PLD5: variants seen among roughly 807,000 people sequenced by gnomAD.
The protein encoded by PLD5 is phospholipase D family member 5.
In PLD5, 36 loss-of-function variants were observed where a neutral mutation model predicts 61.1. The ratio of observed to expected loss-of-function variants is 0.59; its 90% CI spans 0.45 to 0.78. The LOEUF is 0.78. Ranked by LOEUF, PLD5 falls within the 30% of genes least tolerant of loss-of-function variation. PLD5 has a pLI of 0.00. For synonymous variants in PLD5, 243 were observed against 242.8 expected (o/e 1.00, Z -0.01); for missense variants, 515 against 644.4 (o/e 0.80, Z 2.17).
intron 1 of PLD5, among the ~76,000 whole-genome samples, chr1:242,412,468 T>C (rs1270057576): frequency 2.0e-5 from 3 of 152,246 alleles, no homozygotes; most frequent in African/African-American, 7.2e-5. Flanking sequence ...GTGTGTTTAT[T>C]ATAATTTTAT....
intron 1 of PLD5, chr1:242,449,327 T>C (rs1368466765): frequency 2.6e-6 from 4 of 1,535,948 alleles, no homozygotes; most frequent in Non-Finnish European, 3.5e-6. Context: ...ACACACTAGG[T>C]CTGTAGAAAA....
intron 1 of PLD5, among the ~76,000 whole-genome samples, chr1:242,412,844 C>T (rs1437716299): frequency 2.0e-5 from 3 of 152,166 alleles, no homozygotes; most frequent in Non-Finnish European, 4.4e-5. Context: ...CATGTAATTG[C>T]TAGGTCATGT....
chr1:242,144,185 T>A (rs916477274), intron 5 of PLD5, among the ~76,000 whole-genome samples: 3 of 122,798 alleles, frequency 2.4e-5, no homozygotes, highest in African/African-American at 9.0e-5. Flanking sequence ...TTTATTTTTT[T>A]AAAAAATATT....
chr1:242,218,188 T>C (rs528079183), intron 5 of PLD5, among the ~76,000 whole-genome samples: 7 of 152,312 alleles, frequency 4.6e-5, no homozygotes, highest in Admixed American at 2.6e-4. Flanking sequence ...GCCATCAACA[T>C]TGAGGCAAAA....
chr1:242,267,621 T>G (rs1454193621), intron 3 of PLD5, among the ~76,000 whole-genome samples: 1 of 151,898 alleles, frequency 6.6e-6, no homozygotes, highest in Non-Finnish European at 1.5e-5. Flanking sequence ...AGCTTATCCT[T>G]GTAATCCCAG....
chr1:242,184,102 G>A (rs1667718494), intron 5 of PLD5, among the ~76,000 whole-genome samples: 1 of 152,098 alleles, frequency 6.6e-6, no homozygotes, highest in African/African-American at 2.4e-5. Context: ...TTCAAACCTT[G>A]GAATCGATTG....
At chr1:242,278,328 T>C (rs1297172185) in intron 3 of PLD5, among the ~76,000 whole-genome samples, 2 of 152,282 alleles carry the variant, frequency 1.3e-5, no homozygotes, top group African/African-American at 4.8e-5. Context: ...TACGAACAAT[T>C]AGAAGGCATA....
At chr1:242,149,241 C>T (rs950076980) in intron 5 of PLD5, among the ~76,000 whole-genome samples, 8 of 151,888 alleles carry the variant, frequency 5.3e-5, no homozygotes, top group African/African-American at 1.7e-4. Context: ...TTTATTTGAA[C>T]TCAATGTGAT....
At chr1:242,439,692 C>T (rs748935048) in intron 1 of PLD5, among the ~76,000 whole-genome samples, 11 of 152,304 alleles carry the variant, frequency 7.2e-5, no homozygotes, top group Middle Eastern at 3.4e-3. Context: ...AAGCACACTA[C>T]GGACTGCAGG....
chr1:242,197,766 C>G (rs1317427235), intron 5 of PLD5, among the ~76,000 whole-genome samples: 2 of 151,956 alleles, frequency 1.3e-5, no homozygotes, highest in Non-Finnish European at 2.9e-5. Flanking sequence ...TCCCAAGTAT[C>G]TGGGATTACA....
At chr1:242,426,387 T>A (rs1665429291) in intron 1 of PLD5, among the ~76,000 whole-genome samples, 1 of 147,712 alleles carries the variant, frequency 6.8e-6, no homozygotes, top group South Asian at 2.1e-4. Context: ...AGTAAATACA[T>A]AAAGCAGCAA....
chr1:242,209,634 G>A (rs998444977), intron 5 of PLD5, among the ~76,000 whole-genome samples: 6 of 151,354 alleles, frequency 4.0e-5, no homozygotes. Context: ...TGTTGCATGT[G>A]TTCTGACTGC....
At chr1:242,524,962 T>C (rs977109116), upstream of PLD5, among the ~76,000 whole-genome samples, 2 of 151,816 alleles carry the variant, frequency 1.3e-5, no homozygotes, top group Non-Finnish European at 2.9e-5. Context: ...GCCTCCTCGG[T>C]CCTGCTGGCT....
intron 6 of PLD5, among the ~76,000 whole-genome samples, chr1:242,121,740 A>G (rs550014333): frequency 1.3e-5 from 2 of 152,234 alleles, no homozygotes; most frequent in Non-Finnish European, 2.9e-5. Flanking sequence ...ACAGATATAC[A>G]CCACGGAATA....
chr1:242,183,632 AC>A (rs1332362329), intron 5 of PLD5, among the ~76,000 whole-genome samples: 1 of 152,178 alleles, frequency 6.6e-6, no homozygotes, highest in Non-Finnish European at 1.5e-5. Flanking sequence ...GCGGTGGCTC[AC>A]GCCTGTAATC....
chr1:242,401,492 C>T (rs1351842229), intron 1 of PLD5, among the ~76,000 whole-genome samples: 2 of 152,118 alleles, frequency 1.3e-5, no homozygotes, highest in Middle Eastern at 3.2e-3. Flanking sequence ...CTGTGAGGGC[C>T]GCCGGGACCC....
chr1:242,470,843 C>T (rs930860518), intron 1 of PLD5, among the ~76,000 whole-genome samples: 1 of 152,228 alleles, frequency 6.6e-6, no homozygotes, highest in Non-Finnish European at 1.5e-5. Context: ...GTCCAGGAAT[C>T]TCAGCTGTGC....
chr1:242,424,501 T>C (rs983287923), intron 1 of PLD5, among the ~76,000 whole-genome samples: 46 of 152,092 alleles, frequency 3.0e-4, no homozygotes, highest in African/African-American at 1.0e-3. Context: ...TAATCCCACC[T>C]TCTCCTTTTC....
intron 2 of PLD5, among the ~76,000 whole-genome samples, chr1:242,300,711 C>T (rs577561151): frequency 2.0e-5 from 3 of 151,710 alleles, no homozygotes; most frequent in Admixed American, 6.6e-5. Context: ...TTACCCTCCA[C>T]GAGGATGACC....
Sources: allele counts gnomAD v4.1 joint callset (sites outside exome capture counted in the v4.1 genomes callset), GRCh38; gene constraint gnomAD v4.1.1; transcripts MANE v1.5; gene names NCBI Gene and HGNC (gene_info 2026-07-23, HGNC 2026-07-21).